Variants in PALM2AKAP2 observed in about 807,000 individuals in gnomAD.
PALM2AKAP2 encodes the protein PALM2-AKAP2 fusion protein.
In PALM2AKAP2, 37 loss-of-function variants were observed where a neutral mutation model predicts 71.5. The observed-to-expected ratio is 0.52, with a 90% confidence interval of 0.40 to 0.68. PALM2AKAP2 has a LOEUF of 0.68. Ranked by LOEUF, PALM2AKAP2 falls within the 30% of genes least tolerant of loss-of-function variation. PALM2AKAP2 has a pLI of 0.00. For missense variants in PALM2AKAP2, 1,224 were observed against 1,191.8 expected (o/e 1.03, Z -0.40); for synonymous variants, 468 against 478.8 (o/e 0.98, Z 0.29).
chr9:110,031,513 A>G (rs1564269303), intron 7 of PALM2AKAP2, among the ~76,000 whole-genome samples: 1 of 152,218 alleles, frequency 6.6e-6, no homozygotes, highest in Admixed American at 6.5e-5. Context: ...AATAGCTAAC[A>G]TATATTGAGA....
chr9:109,839,223 G>A (rs535384841), intron 1 of PALM2AKAP2, among the ~76,000 whole-genome samples: 1 of 152,150 alleles, frequency 6.6e-6, no homozygotes, highest in Admixed American at 6.5e-5. Flanking sequence ...ATTCAAGGCT[G>A]GTTCAACATA....
At chr9:109,666,809 G>T (rs1215782553) in intron 1 of PALM2AKAP2, among the ~76,000 whole-genome samples, 1 of 152,224 alleles carries the variant, frequency 6.6e-6, no homozygotes, top group East Asian at 1.9e-4. Context: ...TGGTGACCCA[G>T]AGAAGAATCA....
At chr9:110,114,981 C>T (rs1160448926) in intron 1 of PALM2AKAP2, among the ~76,000 whole-genome samples, 5 of 152,210 alleles carry the variant, frequency 3.3e-5, no homozygotes, top group East Asian at 1.9e-4. Context: ...TACCCTCCCA[C>T]GACTCCCCAC....
At chr9:110,144,098 G>A (rs1836102923) in intron 2 of PALM2AKAP2, among the ~76,000 whole-genome samples, 1 of 152,238 alleles carries the variant, frequency 6.6e-6, no homozygotes, top group Non-Finnish European at 1.5e-5. Flanking sequence ...ATGAAGCAGA[G>A]CTTGGTGGAG....
intron 7 of PALM2AKAP2, among the ~76,000 whole-genome samples, chr9:110,034,604 C>CTTTTTTTTTTTTTTTTTTTTTTT (rs57708385): frequency 8.5e-6 from 1 of 118,334 alleles, no homozygotes. Flanking sequence ...ATATATTCCC[C>CTTTTTTTTTTTTTTTTTTTTTTT]TTTTTTTTTT....
intron 2 of PALM2AKAP2, among the ~76,000 whole-genome samples, chr9:110,140,384 G>A (rs989448596): frequency 3.3e-5 from 5 of 152,046 alleles, no homozygotes; most frequent in African/African-American, 7.3e-5. Context: ...CCCTGAAATC[G>A]GTCGTCTCTC....
At chr9:109,815,278 G>A (rs1285205462) in intron 1 of PALM2AKAP2, among the ~76,000 whole-genome samples, 1 of 152,180 alleles carries the variant, frequency 6.6e-6, no homozygotes. Context: ...GAAAAGTGAT[G>A]AGTTTATTTT....
At chr9:109,745,177 A>T (rs1001415711) in intron 1 of PALM2AKAP2, among the ~76,000 whole-genome samples, 2 of 152,100 alleles carry the variant, frequency 1.3e-5, no homozygotes, top group African/African-American at 4.8e-5. Context: ...AGCGATAGGT[A>T]TGGACTCCAC....
rs927744812 is a variant in PALM2AKAP2 at position 109,668,227 on chromosome 9, C to T, written c.5+27361C>T. 7.7e-4 allele frequency among the ~76,000 whole-genome samples: 16 copies of T among 20,690 alleles called. 7 individuals are homozygous for T. Among genetic ancestry groups the T allele is most frequent in the African/African-American group, 6.8e-3 (9 of 1,324 alleles). 13.6% of individuals were successfully genotyped at this position (20,690 alleles called of 152,430 possible). A position where few individuals can be genotyped will look rare whatever the true frequency, so the allele number is the denominator to read the frequency against. On this transcript the variant is annotated intron_variant, in intron 1 of 6. Transcript: ENST00000374531. ...CTGGGATTACAGGCGTGAGCCACCG[C>T]GCCCGGCCGGCTTTGGTTTTAAAGT...
intron 1 of PALM2AKAP2, among the ~76,000 whole-genome samples, chr9:109,707,236 C>G (rs1828158621): frequency 6.6e-6 from 1 of 151,966 alleles, no homozygotes; most frequent in African/African-American, 2.4e-5. Flanking sequence ...TGGCTGCCAG[C>G]ATTTGAATCC....
At chr9:110,032,838 A>G (rs1833311718) in intron 7 of PALM2AKAP2, among the ~76,000 whole-genome samples, 1 of 152,068 alleles carries the variant, frequency 6.6e-6, no homozygotes, top group African/African-American at 2.4e-5. Flanking sequence ...CTCAGGAGAC[A>G]GGTGGGAGAA....
At chr9:109,958,910 G>T (rs1217825583) in intron 6 of PALM2AKAP2, among the ~76,000 whole-genome samples, 2 of 152,152 alleles carry the variant, frequency 1.3e-5, no homozygotes, top group Non-Finnish European at 2.9e-5. Context: ...TCAGTGGGGG[G>T]AATACCTGCC....
At chr9:109,892,362 C>T (rs550616697) in intron 3 of PALM2AKAP2, among the ~76,000 whole-genome samples, 1 of 152,226 alleles carries the variant, frequency 6.6e-6, no homozygotes, top group South Asian at 2.1e-4. Flanking sequence ...TTAGGGCCCT[C>T]CTAAATAATT....
chr9:110,086,106 CAAA>C (rs34871967), intron 1 of PALM2AKAP2, among the ~76,000 whole-genome samples: 5 of 80,230 alleles, frequency 6.2e-5, no homozygotes, highest in Non-Finnish European at 5.3e-5. Context: ...GACTCCATCT[CAAA>C]AAAAAAAAAA....
At chr9:110,131,280 G>T (rs1410986784) in intron 1 of PALM2AKAP2, among the ~76,000 whole-genome samples, 1 of 152,144 alleles carries the variant, frequency 6.6e-6, no homozygotes, top group East Asian at 1.9e-4. Flanking sequence ...GAACTGGGCC[G>T]ATCTAAAAAG....
rs1827092672 is a variant in PALM2AKAP2, at chr9:109,642,952, A to G, written c.5+2086A>G. On this transcript the variant is annotated intron_variant, in intron 1 of 6. Transcript: ENST00000374531. The stretch of plus-strand genomic sequence containing the variant: ...GGTAGGAAGTCTTGATGAGCCCAGG[A>G]GTTTGAGAATGCGCTGAGCTATAAT... 2.0e-5 allele frequency among the ~76,000 whole-genome samples: 3 copies of G among 151,312 alleles called. No individual in the cohort carries two copies. In the South Asian group the frequency reaches 6.3e-4, roughly 32 times the overall value.
intron 3 of PALM2AKAP2, among the ~76,000 whole-genome samples, chr9:109,892,304 T>C (rs1243025163): frequency 6.6e-6 from 1 of 152,190 alleles, no homozygotes; most frequent in African/African-American, 2.4e-5. Flanking sequence ...TCTCCTCTTG[T>C]CTCTGTGTCT....
rs536818565 is a variant in PALM2AKAP2 at position 110,164,401 on chromosome 9, A to G, written c.2749-3998A>G. On this transcript the variant is annotated intron_variant, in intron 3 of 3. Transcript: ENST00000374525. ...TTTCAAAGTTAAGCAATTCACTTGAATTCCCTAAGCATTAGAGAGAAAAAT... is the reference window on the plus strand; with the variant it reads ...TTTCAAAGTTAAGCAATTCACTTGAGTTCCCTAAGCATTAGAGAGAAAAAT... Among the ~76,000 whole-genome samples the G allele has an allele frequency of 3.3e-5, 5 of 152,324 alleles. No homozygotes were observed. The South Asian group carries it at 8.3e-4, about 25-fold the overall frequency.
chr9:110,063,005 G>C (rs913444505), intron 1 of PALM2AKAP2, among the ~76,000 whole-genome samples: 1 of 152,122 alleles, frequency 6.6e-6, no homozygotes, highest in Non-Finnish European at 1.5e-5. Context: ...AGTCACCCAG[G>C]CCCTGCCAGA....
Sources: allele counts gnomAD v4.1 joint callset (sites outside exome capture counted in the v4.1 genomes callset), GRCh38; gene constraint gnomAD v4.1.1; transcripts MANE v1.5; gene names NCBI Gene and HGNC (gene_info 2026-07-23, HGNC 2026-07-21).